OXR1: variants seen among roughly 807,000 people sequenced by gnomAD.
OXR1 encodes oxidation resistance 1.
OXR1 carries 41 observed loss-of-function variants against 104.6 expected under a neutral mutation model. The ratio of observed to expected loss-of-function variants is 0.39; its 90% confidence interval spans 0.31 to 0.51. The LOEUF (loss-of-function observed/expected upper bound fraction) is 0.51, where lower values mean the gene tolerates loss of function less well. Ranked by LOEUF, OXR1 falls within the 20% of genes least tolerant of loss-of-function variation. OXR1 has a pLI of 0.77. For missense variants in OXR1, 955 were observed against 1,031.9 expected (o/e 0.93, Z 1.02); for synonymous variants, 348 against 348.4 (o/e 1.00, Z 0.01).
At chr8:106,745,400 C>G (rs1835298850) in intron 15 of OXR1, among the ~76,000 whole-genome samples, 1 of 152,086 alleles carries the variant, frequency 6.6e-6, no homozygotes, top group Non-Finnish European at 1.5e-5. Flanking sequence ...AAAATATTAT[C>G]CAATTAACAT....
chr8:106,513,090 T>C (rs1812643161), intron 2 of OXR1, among the ~76,000 whole-genome samples: 1 of 152,142 alleles, frequency 6.6e-6, no homozygotes, highest in Admixed American at 6.5e-5. Flanking sequence ...TCTAGTAAAA[T>C]AGAAATAAAT....
At chr8:106,443,369 A>G (rs1670392) in intron 2 of OXR1, among the ~76,000 whole-genome samples, 13,503 of 152,124 alleles carry the variant, frequency 0.089, 633 homozygotes, top group Non-Finnish European at 0.1. Flanking sequence ...TGGTGCTGAG[A>G]ACAATGTATA....
At chr8:106,354,147 G>A (rs1384133471) in intron 1 of OXR1, among the ~76,000 whole-genome samples, 1 of 151,606 alleles carries the variant, frequency 6.6e-6, no homozygotes, top group Non-Finnish European at 1.5e-5. Context: ...TCAGGTATGA[G>A]CATTGTAAGT....
chr8:106,303,269 T>C (rs1813332028), intron 1 of OXR1, among the ~76,000 whole-genome samples: 1 of 146,616 alleles, frequency 6.8e-6, no homozygotes, highest in Non-Finnish European at 1.5e-5. Context: ...TTTTTTTTTT[T>C]TTGAGTCAGA....
intron 8 of OXR1, 96 bp from the exon 9 acceptor site, chr8:106,706,286 A>T: frequency 1.3e-6 from 1 of 772,474 alleles, no homozygotes; most frequent in Non-Finnish European, 2.0e-6. Flanking sequence ...TTTGTTAAAA[A>T]GTCTTTTTAG....
At chr8:106,447,799 G>C (rs1374170950) in intron 2 of OXR1, 1 of 978,602 alleles carries the variant, frequency 1.0e-6, no homozygotes, top group Non-Finnish European at 1.4e-6. Flanking sequence ...ACACCGAACG[G>C]CATATTCTTT....
chr8:106,288,682 TA>T (rs1341506547), intron 1 of OXR1, among the ~76,000 whole-genome samples: 4 of 146,562 alleles, frequency 2.7e-5, no homozygotes, highest in Non-Finnish European at 6.0e-5. Flanking sequence ...ATTTATGTAT[TA>T]AATATACAAA....
chr8:106,747,015 A>C (rs1323047229), intron 16 of OXR1, among the ~76,000 whole-genome samples: 1 of 152,218 alleles, frequency 6.6e-6, no homozygotes, highest in African/African-American at 2.4e-5. Flanking sequence ...GTTATTTGAT[A>C]ATAAATTAAT....
chr8:106,694,922 T>TATATTTATATATATATAAATATAAA (rs1229732369), intron 7 of OXR1, among the ~76,000 whole-genome samples: 2,425 of 129,826 alleles, frequency 0.019, 44 homozygotes, highest in Admixed American at 0.039. Context: ...CATATTTATA[T>TATATTTATATATATATAAATATAAA]ATATTTATAT....
intron 1 of OXR1, among the ~76,000 whole-genome samples, chr8:106,320,096 GCACACATCA>G (rs775970097): frequency 1.1e-4 from 16 of 152,302 alleles, no homozygotes; most frequent in Non-Finnish European, 1.8e-4. Context: ...TGCATTCAAA[GCACACATCA>G]CATAGCAAGA....
chr8:106,369,230 C>A (rs1335253684), intron 2 of OXR1, among the ~76,000 whole-genome samples: 2 of 152,266 alleles, frequency 1.3e-5, no homozygotes, highest in Middle Eastern at 3.4e-3. Flanking sequence ...TCTTTGCCCA[C>A]TTTTTGATGG....
rs1350799438 is a variant in OXR1 at position 106,745,769 on chromosome 8, C to CT, written c.2413-13dup. ...AACCATTTCATCTATATATTTAAAG[C>CT]TTTTTTTAAATTTATATAGGTCTTT... On this transcript the variant is annotated intron_variant, in intron 15 of 16. Coordinates refer to ENST00000517566, the MANE Select transcript of OXR1 (RefSeq NM_001198533.2). 3.9e-6 allele frequency: 5 copies of CT among 1,269,422 alleles called. No individual in the cohort carries two copies. The highest frequency in any genetic ancestry group is 1.5e-5 in the African/African-American group (1 of 66,830). The allele number at this position is 1,269,422 out of a possible 1,614,324, so 78.6% of individuals were successfully genotyped here. A position where few individuals can be genotyped will look rare whatever the true frequency, so the allele number is the denominator to read the frequency against.
chr8:106,651,325 T>A (rs1264862064), intron 3 of OXR1, among the ~76,000 whole-genome samples: 3 of 152,172 alleles, frequency 2.0e-5, no homozygotes, highest in Non-Finnish European at 4.4e-5. Flanking sequence ...AATCTCTGAG[T>A]CCACTGCCAA....
chr8:106,406,119 C>G (rs1010312972), intron 2 of OXR1, among the ~76,000 whole-genome samples: 1 of 152,214 alleles, frequency 6.6e-6, no homozygotes, highest in East Asian at 1.9e-4. Flanking sequence ...TATCTTACCC[C>G]GACCTAATCT....
At chr8:106,680,236 G>T (rs995554042) in intron 4 of OXR1, among the ~76,000 whole-genome samples, 9 of 152,032 alleles carry the variant, frequency 5.9e-5, no homozygotes, top group African/African-American at 1.9e-4. Context: ...TAATCTCACA[G>T]CATATTTTAA....
At chr8:106,659,237 G>A (rs951668901) in intron 3 of OXR1, among the ~76,000 whole-genome samples, 2 of 152,192 alleles carry the variant, frequency 1.3e-5, no homozygotes, top group African/African-American at 4.8e-5. Context: ...GGGATTACAG[G>A]CCTGAACCAC....
Position 106,692,782 on chromosome 8 carries a change from C to T in OXR1, c.580C>T (p.Arg194Ter). The change falls in exon 7 of 17, where the codon CGA (arginine) becomes TGA (stop). Residue 194 changes from arginine (R) to a stop codon, truncating the protein, a stop_gained. Transcript: ENST00000517566. LOFTEE classifies it high-confidence loss of function. ...TCCCTCATCTACTTTCACTGGTATT[C>T]GACCTGCACGAGTTGTATCTTCAAC... ...ATPSSTFTGIRPARVVSSTSE... is the reference protein window; with the variant it reads ...ATPSSTFTGI 3 of 1,594,848 alleles carry T rather than the reference C, an allele frequency of 1.9e-6. No individual in the cohort carries two copies. Among genetic ancestry groups the T allele is most frequent in the Non-Finnish European group, 1.7e-6 (2 of 1,168,328 alleles).
intron 1 of OXR1, among the ~76,000 whole-genome samples, chr8:106,352,945 T>C (rs558188025): frequency 6.6e-6 from 1 of 152,312 alleles, no homozygotes; most frequent in Admixed American, 6.5e-5. Context: ...TTATAAAAAT[T>C]CAAGGCAGAA....
At chr8:106,651,569 C>T (rs1006949340) in intron 3 of OXR1, among the ~76,000 whole-genome samples, 2 of 152,042 alleles carry the variant, frequency 1.3e-5, no homozygotes, top group African/African-American at 4.8e-5. Context: ...GTCTGTTTTC[C>T]CTAAATGTAT....
Sources: allele counts gnomAD v4.1 joint callset (sites outside exome capture counted in the v4.1 genomes callset), GRCh38; gene constraint gnomAD v4.1.1; transcripts MANE v1.5; gene names NCBI Gene and HGNC (gene_info 2026-07-23, HGNC 2026-07-21).